XPO5: variants seen among roughly 807,000 people sequenced by gnomAD.
XPO5 encodes exportin-5.
A neutral mutation model predicts 160.6 loss-of-function variants in XPO5; 46 were observed. That is an observed-to-expected ratio of 0.29 (90% CI 0.23 to 0.37). The LOEUF is 0.37. Ranked by LOEUF, XPO5 falls within the 10% of genes least tolerant of loss-of-function variation. The pLI, the probability that XPO5 is intolerant of heterozygous loss-of-function variation, is 1.00. For synonymous variants in XPO5, 537 were observed against 519.3 expected (o/e 1.03, Z -0.46); for missense variants, 1,090 against 1,463.9 (o/e 0.74, Z 4.17).
At chr6:43,539,192 C>T in intron 20 of XPO5, 2 of 1,136,082 alleles carry the variant, frequency 1.8e-6, no homozygotes, top group Non-Finnish European at 2.6e-6. Flanking sequence ...GATCTTGTTC[C>T]CCTAGTAGCC....
rs1325900467 is a variant in XPO5, at chr6:43,525,073, A to G, written c.3174+34T>C. 5 of 1,571,228 alleles carry G rather than the reference A, an allele frequency of 3.2e-6. No homozygotes were observed. In the Middle Eastern group the frequency reaches 6.6e-4, roughly 208 times the overall value. The stretch of plus-strand genomic sequence containing the variant: ...TCAGTCTGCATGACCCAAACCTTCC[A>G]TGAGGGGCAGGGAAAAGGGGTGAAT... On this transcript the variant is annotated intron_variant, in intron 29 of 31. Transcript: ENST00000265351.
rs1425504190 is a variant in XPO5, at chr6:43,560,244, G to A, written c.1155C>T (p.Ser385=). The A allele has an allele frequency of 6.2e-7, 1 of 1,612,492 alleles. No individual in the cohort carries two copies. The highest frequency in any genetic ancestry group is 1.1e-5 in the South Asian group (1 of 90,716). Residue 385 remains serine (S), a synonymous_variant, in exon 11 of 32, where the codon TCC becomes TCT. Transcript: ENST00000265351. ...WGALFRHEIL[S]RDPLLLAIIP... ...TTATTGCTAATAGCAAAGGATCACG[G>A]GACAGGATTTCATGCCTGAAGAGGG...
intron 25 of XPO5, 82 bp from the exon 26 acceptor site, chr6:43,527,813 T>C: frequency 1.4e-6 from 2 of 1,449,888 alleles, no homozygotes; most frequent in South Asian, 1.2e-5. Flanking sequence ...TCAGACTCTC[T>C]CTGACCACTT....
At chr6:43,551,842 T>A (rs1316165580) in intron 14 of XPO5, among the ~76,000 whole-genome samples, 4 of 152,060 alleles carry the variant, frequency 2.6e-5, no homozygotes, top group African/African-American at 9.7e-5. Flanking sequence ...ATTTTTTAAA[T>A]TTTTAGTAGA....
intron 20 of XPO5, among the ~76,000 whole-genome samples, chr6:43,537,281 T>C (rs1330369730): frequency 2.0e-5 from 3 of 152,146 alleles, no homozygotes; most frequent in Non-Finnish European, 4.4e-5. Context: ...CATCTTTTTC[T>C]AACTTTCATT....
At chr6:43,553,306 T>C (rs911054953) in intron 14 of XPO5, 67 bp downstream of exon 14, 10 of 1,528,308 alleles carry the variant, frequency 6.5e-6, no homozygotes, top group African/African-American at 4.1e-5. Flanking sequence ...CGTCCCAAAA[T>C]AGAAAGAGAA....
At chr6:43,536,038 A>C (rs1794300590) in intron 20 of XPO5, among the ~76,000 whole-genome samples, 1 of 145,872 alleles carries the variant, frequency 6.9e-6, no homozygotes, top group African/African-American at 2.6e-5. Context: ...CAGGAGAATC[A>C]CTTGAATCCA....
chr6:43,552,682 A>G (rs2127734594), intron 14 of XPO5, among the ~76,000 whole-genome samples: 1 of 152,258 alleles, frequency 6.6e-6, no homozygotes, highest in East Asian at 1.9e-4. Flanking sequence ...TCCTCTATAC[A>G]TTATTGGATT....
At chr6:43,558,190 A>G (rs72859003) in intron 12 of XPO5, among the ~76,000 whole-genome samples, 7,996 of 152,228 alleles carry the variant, frequency 0.053, 299 homozygotes, top group Non-Finnish European at 0.077. Flanking sequence ...TTTTTGGGGG[A>G]AAGAAATAAC....
intron 30 of XPO5, 86 bp downstream of exon 30, chr6:43,524,745 C>T: frequency 6.3e-7 from 1 of 1,587,978 alleles, no homozygotes; most frequent in Non-Finnish European, 8.6e-7. Flanking sequence ...TGGCAGGTGC[C>T]TGAATTTAGG....
chr6:43,545,295 T>G (rs1004824791), intron 20 of XPO5, among the ~76,000 whole-genome samples: 1 of 152,230 alleles, frequency 6.6e-6, no homozygotes, highest in Non-Finnish European at 1.5e-5. Flanking sequence ...TGGGTGTCTA[T>G]TCCCAGGAGA....
intron 19 of XPO5, 100 bp from the exon 20 acceptor site, chr6:43,546,852 A>G (rs2127727647): frequency 8.6e-7 from 1 of 1,161,188 alleles, no homozygotes; most frequent in Non-Finnish European, 1.2e-6. Flanking sequence ...AGTGACACAG[A>G]GGCCAGAGAG....
At chr6:43,548,513 G>A in intron 17 of XPO5, 53 bp from the exon 18 acceptor site, 1 of 1,420,662 alleles carries the variant, frequency 7.0e-7, no homozygotes, top group Non-Finnish European at 9.3e-7. Context: ...GATTTTCAAG[G>A]AGAGGTGGCT....
intron 15 of XPO5, among the ~76,000 whole-genome samples, chr6:43,550,731 T>C (rs1795187227): frequency 6.6e-6 from 1 of 152,204 alleles, no homozygotes; most frequent in Non-Finnish European, 1.5e-5. Flanking sequence ...AACACAGTAT[T>C]CCAAAATACT....
chr6:43,550,091 C>T (rs1795156586), intron 15 of XPO5, among the ~76,000 whole-genome samples, 157 bp from the exon 16 acceptor site: 1 of 152,170 alleles, frequency 6.6e-6, no homozygotes. Context: ...CTTATTCATA[C>T]TGTCCATTTT....
At chr6:43,552,952 G>C (rs1197479376) in intron 14 of XPO5, among the ~76,000 whole-genome samples, 1 of 152,134 alleles carries the variant, frequency 6.6e-6, no homozygotes, top group Non-Finnish European at 1.5e-5. Flanking sequence ...ACTTGAGTAT[G>C]CTATTTAGCC....
chr6:43,546,233 A>T (rs976243540), intron 20 of XPO5, among the ~76,000 whole-genome samples: 5 of 152,234 alleles, frequency 3.3e-5, no homozygotes, highest in African/African-American at 9.6e-5. Context: ...CCCTGCTCCC[A>T]ATGAGCAATT....
At chr6:43,566,736 G>C in intron 7 of XPO5, 1 of 260,298 alleles carries the variant, frequency 3.8e-6, no homozygotes, top group Non-Finnish European at 8.5e-6. Flanking sequence ...CTTGAACCCG[G>C]AAGGCGGACG....
chr6:43,542,614 C>T (rs760587942), intron 20 of XPO5, among the ~76,000 whole-genome samples: 11 of 151,734 alleles, frequency 7.2e-5, no homozygotes, highest in Non-Finnish European at 1.2e-4. Flanking sequence ...TGAGTAGAGA[C>T]GGGGTTTCAC....
Sources: gnomAD v4.1 joint callset for allele counts (sites outside exome capture counted in the v4.1 genomes callset) on GRCh38, gnomAD v4.1.1 for gene constraint, MANE v1.5 for transcripts, NCBI Gene and HGNC (gene_info 2026-07-23, HGNC 2026-07-21) for gene names.